Variants in FRY observed in about 807,000 individuals in gnomAD.
FRY encodes the protein FRY microtubule binding protein.
A neutral mutation model predicts 348.4 loss-of-function variants in FRY; 128 were observed. The ratio of observed to expected loss-of-function variants is 0.37; its 90% CI spans 0.32 to 0.43. The LOEUF (loss-of-function observed/expected upper bound fraction) is 0.43. FRY is among the 20% of genes least tolerant of loss of function. The pLI is 1.00. For missense variants in FRY, 2,736 were observed against 3,695.2 expected (o/e 0.74, Z 6.73); for synonymous variants, 1,370 against 1,374.7 (o/e 1.00, Z 0.08).
chr13:32,092,310 G>T (rs1305562810), intron 2 of FRY, among the ~76,000 whole-genome samples: 1 of 152,156 alleles, frequency 6.6e-6, no homozygotes. Flanking sequence ...AATAAAACAC[G>T]TCTTGATATA....
Position 32,185,168 on chromosome 13 carries a change from G to C in FRY, c.3319+20G>C. 6.2e-7 allele frequency: 1 copy of C among 1,609,536 alleles called. No individual in the cohort carries two copies. Among genetic ancestry groups the C allele is most frequent in the African/African-American group, 1.3e-5 (1 of 74,982 alleles). The stretch of plus-strand genomic sequence containing the variant: ...TTCCAGGTACGGTGATCCGTTACAA[G>C]AAATTACCATTCATGCTTGGAAGCC... On this transcript the variant is annotated intron_variant, in intron 26 of 60. Coordinates refer to ENST00000542859, the MANE Select transcript of FRY (RefSeq NM_023037.3).
chr13:32,167,898 C>T (rs972248080), intron 17 of FRY, among the ~76,000 whole-genome samples: 5 of 152,126 alleles, frequency 3.3e-5, no homozygotes, highest in Admixed American at 3.3e-4. Context: ...AGCTGCTTGG[C>T]GAGTGAAGGA....
chr13:32,096,491 G>A (rs1876727583), intron 2 of FRY, among the ~76,000 whole-genome samples: 1 of 152,112 alleles, frequency 6.6e-6, no homozygotes, highest in South Asian at 2.1e-4. Flanking sequence ...CAAAGAATAT[G>A]ATTAAGACAG....
intron 1 of FRY, among the ~76,000 whole-genome samples, chr13:32,058,192 T>C (rs1161575024): frequency 1.3e-5 from 2 of 152,082 alleles, no homozygotes; most frequent in African/African-American, 2.4e-5. Context: ...AATATATGAC[T>C]TTTTTTGGAA....
At chr13:32,282,573 G>A (rs1888862121) in intron 58 of FRY, among the ~76,000 whole-genome samples, 2 of 152,166 alleles carry the variant, frequency 1.3e-5, no homozygotes, top group Admixed American at 6.5e-5. Flanking sequence ...TACCCAGTCT[G>A]GTCCGGTCTT....
At chr13:32,092,654 C>A in intron 2 of FRY, among the ~76,000 whole-genome samples, 1 of 152,098 alleles carries the variant, frequency 6.6e-6, no homozygotes, top group East Asian at 1.9e-4. Context: ...GGAGAAAATT[C>A]CCCTTGCGTG....
Position 32,077,420 on chromosome 13 carries a change from TA to T in FRY, c.71-1412del, listed in dbSNP as rs1875154334. Among the ~76,000 whole-genome samples the T allele has an allele frequency of 2.0e-5, 3 of 152,244 alleles. No homozygotes were observed. In the South Asian group the frequency reaches 6.2e-4, roughly 32 times the overall value. ...CAGGGGGAATGGAAAGGAAACGAGA[TA>T]ATATGCAAGACACTTTATTATATTT... On this transcript the variant is annotated intron_variant, in intron 1 of 60. Transcript: ENST00000542859.
At chr13:32,268,658 CT>C (rs535349827) in intron 55 of FRY, among the ~76,000 whole-genome samples, 335 of 149,182 alleles carry the variant, frequency 2.2e-3, no homozygotes, top group Non-Finnish European at 3.8e-3. Flanking sequence ...CTTCTTTTTA[CT>C]TTTTTTCAAT....
At chr13:32,186,802 G>A (rs867405076) in intron 27 of FRY, among the ~76,000 whole-genome samples, 1 of 152,020 alleles carries the variant, frequency 6.6e-6, no homozygotes, top group African/African-American at 2.4e-5. Flanking sequence ...CCCCAACTAG[G>A]ACTATTCAAA....
At chr13:32,207,050 C>G (rs950875538) in intron 31 of FRY, among the ~76,000 whole-genome samples, 3 of 152,122 alleles carry the variant, frequency 2.0e-5, no homozygotes, top group Non-Finnish European at 2.9e-5. Flanking sequence ...CAGGAGCTAC[C>G]TGGGTGCTTG....
chr13:32,143,147 T>C (rs1880187469), intron 11 of FRY, among the ~76,000 whole-genome samples: 1 of 152,204 alleles, frequency 6.6e-6, no homozygotes, highest in Admixed American at 6.5e-5. Context: ...CCTCATGTGC[T>C]ATATTATGAA....
At chr13:32,132,547 T>G (rs1879435612) in intron 8 of FRY, among the ~76,000 whole-genome samples, 1 of 152,136 alleles carries the variant, frequency 6.6e-6, no homozygotes, top group African/African-American at 2.4e-5. Context: ...AATTAGAACC[T>G]TACACACTGC....
chr13:32,228,772 C>CT, intron 40 of FRY, 118 bp downstream of exon 40: 2 of 851,132 alleles, frequency 2.3e-6, no homozygotes, highest in Admixed American at 1.9e-5. Flanking sequence ...TCCTGTTTCT[C>CT]TTCTCAATTG....
At chr13:32,206,431 G>A (rs1036489839) in intron 31 of FRY, among the ~76,000 whole-genome samples, 1 of 152,202 alleles carries the variant, frequency 6.6e-6, no homozygotes, top group Non-Finnish European at 1.5e-5. Context: ...AGATTCATTG[G>A]TAACTGTCAG....
chr13:32,171,257 T>C lies in FRY; in HGVS notation c.2138T>C (p.Ile713Thr). 6.6e-7 allele frequency: 1 copy of C among 1,521,484 alleles called. No individual in the cohort carries two copies. Among genetic ancestry groups the C allele is most frequent in the South Asian group, 1.1e-5 (1 of 89,562 alleles). 94.2% of individuals were successfully genotyped at this position (1,521,484 alleles called of 1,614,324 possible). Residue 713 changes from isoleucine (I) to threonine (T), a missense_variant, in exon 18 of 61, where the codon ATC (isoleucine) becomes ACC (threonine). Ile to Thr is a moderately conservative substitution (Grantham distance 89). Coordinates refer to ENST00000542859, the MANE Select transcript of FRY (RefSeq NM_023037.3). ...AAAGTCTATGAACAAGCCAACAAAA[T>C]CAGAAATTCAGAGGTGATTTTCACA... ...QGKVYEQANK[I>T]RNSELIANGS... is the part of the protein sequence containing the mutation.
At chr13:32,200,398 G>A (rs1224466686) in intron 29 of FRY, among the ~76,000 whole-genome samples, 1 of 152,150 alleles carries the variant, frequency 6.6e-6, no homozygotes, top group Non-Finnish European at 1.5e-5. Flanking sequence ...ATAAATAGCA[G>A]TAACTCACCT....
chr13:32,152,284 T>C (rs904345110), intron 14 of FRY, among the ~76,000 whole-genome samples: 1 of 152,130 alleles, frequency 6.6e-6, no homozygotes, highest in Non-Finnish European at 1.5e-5. Flanking sequence ...AAAATTTATA[T>C]GGAAAATCAA....
intron 57 of FRY, 51 bp downstream of exon 57, chr13:32,276,613 C>A (rs746182278): frequency 6.5e-6 from 6 of 919,688 alleles, no homozygotes; most frequent in Non-Finnish European, 7.3e-6. Context: ...CCAAATGAAC[C>A]CAACCACTCT....
At chr13:32,057,688 G>C (rs561186258) in intron 1 of FRY, among the ~76,000 whole-genome samples, 1 of 152,310 alleles carries the variant, frequency 6.6e-6, no homozygotes, top group South Asian at 2.1e-4. Context: ...AGCCGGGCAT[G>C]GTGGCTCACA....
Sources: gnomAD v4.1 joint callset for allele counts (sites outside exome capture counted in the v4.1 genomes callset) on GRCh38, gnomAD v4.1.1 for gene constraint, MANE v1.5 for transcripts, NCBI Gene and HGNC (gene_info 2026-07-23, HGNC 2026-07-21) for gene names.